SBF2: variants seen among roughly 807,000 people sequenced by gnomAD.
The protein encoded by SBF2 is myotubularin-related protein 13.
SBF2 carries 112 observed loss-of-function variants against 225.2 expected under a neutral mutation model. That is an observed-to-expected ratio of 0.50 (90% CI 0.43 to 0.58). The LOEUF (loss-of-function observed/expected upper bound fraction) is 0.58, where lower values mean the gene tolerates loss of function less well. SBF2 is among the 20% of genes least tolerant of loss of function. The pLI is 0.00. For synonymous variants in SBF2, 763 were observed against 773.3 expected, an observed-to-expected ratio of 0.99 and a Z score of 0.22; for missense variants, 1,996 against 2,206.2, an observed-to-expected ratio of 0.90 and a Z score of 1.91.
rs760392254 is a variant in SBF2, at chr11:9,963,871, C to A, written c.1612G>T (p.Asp538Tyr). The change falls in exon 15 of 40, where the codon GAC becomes TAC. Residue 538 changes from aspartate (D) to tyrosine (Y), a missense_variant. Asp to Tyr is a radical substitution (Grantham distance 160). Coordinates refer to ENST00000256190, the MANE Select transcript of SBF2 (RefSeq NM_030962.4). ...PAGPPVVSIM[D>Y]KVTTVFNSAQ... ...CTGTTGAAAACTGTCGTCACCTTGT[C>A]CATTATCGAAACTAGTAAAAGAATA... The A allele has an allele frequency of 1.9e-6, 3 of 1,588,734 alleles. No individual in the cohort carries two copies. In the East Asian group the frequency reaches 6.7e-5, roughly 36 times the overall value.
intron 16 of SBF2, among the ~76,000 whole-genome samples, chr11:9,910,745 T>C (rs759399621): frequency 1.3e-5 from 2 of 151,732 alleles, no homozygotes; most frequent in Non-Finnish European, 2.9e-5. Context: ...ACTTTTCTAT[T>C]AAAAATAGAA....
intron 25 of SBF2, 92 bp downstream of exon 25, chr11:9,842,533 G>T: frequency 1.5e-6 from 2 of 1,327,560 alleles, no homozygotes; most frequent in Non-Finnish European, 1.1e-6. Context: ...CTAGGTTTTT[G>T]TGAATCAAGA....
At chr11:10,054,646 T>C (rs539763030) in intron 2 of SBF2, among the ~76,000 whole-genome samples, 136 of 152,304 alleles carry the variant, frequency 8.9e-4, no homozygotes, top group African/African-American at 3.1e-3. Flanking sequence ...GAGGAAAATA[T>C]TGTTAAACTA....
At chr11:10,106,649 A>C (rs1032134427) in intron 2 of SBF2, among the ~76,000 whole-genome samples, 11 of 149,958 alleles carry the variant, frequency 7.3e-5, no homozygotes, top group African/African-American at 2.0e-4. Context: ...AAAAAAAAAA[A>C]CCCACACAAT....
chr11:10,104,804 T>G (rs1952479464), intron 2 of SBF2, among the ~76,000 whole-genome samples: 1 of 152,218 alleles, frequency 6.6e-6, no homozygotes. Flanking sequence ...ATTTGCTATA[T>G]GACCTTAGGA....
chr11:10,032,533 T>C (rs934374487), intron 3 of SBF2, among the ~76,000 whole-genome samples: 1 of 152,232 alleles, frequency 6.6e-6, no homozygotes, highest in African/African-American at 2.4e-5. Context: ...CTCATCACTT[T>C]TAAGTTTTCA....
intron 1 of SBF2, among the ~76,000 whole-genome samples, chr11:10,199,930 T>C (rs780781114): frequency 6.6e-6 from 1 of 152,146 alleles, no homozygotes; most frequent in African/African-American, 2.4e-5. Flanking sequence ...AGAACTATCA[T>C]ATGTTCCAAC....
chr11:10,030,645 A>G (rs1188395995), intron 4 of SBF2, among the ~76,000 whole-genome samples: 1 of 152,216 alleles, frequency 6.6e-6, no homozygotes, highest in Non-Finnish European at 1.5e-5. Flanking sequence ...CAGAAGTATG[A>G]TCAGAATTGT....
At chr11:9,781,101 C>G (rs1851975887) in intron 39 of SBF2, among the ~76,000 whole-genome samples, 2 of 152,220 alleles carry the variant, frequency 1.3e-5, no homozygotes, top group Admixed American at 6.5e-5. Context: ...CTAAGGGCTG[C>G]TGAAGATGTT....
intron 26 of SBF2, among the ~76,000 whole-genome samples, chr11:9,834,108 T>G (rs1213924535): frequency 6.6e-6 from 1 of 151,632 alleles, no homozygotes; most frequent in Non-Finnish European, 1.5e-5. Flanking sequence ...TATTTATTTT[T>G]TGAGACACAG....
chr11:10,254,215 G>A (rs764658710), intron 1 of SBF2, among the ~76,000 whole-genome samples: 2 of 151,862 alleles, frequency 1.3e-5, no homozygotes, highest in Non-Finnish European at 2.9e-5. Context: ...AAGACTCCTA[G>A]CTCTACAAAA....
intron 17 of SBF2, among the ~76,000 whole-genome samples, chr11:9,886,960 C>A (rs1479549498): frequency 6.6e-6 from 1 of 152,090 alleles, no homozygotes; most frequent in Admixed American, 6.5e-5. Context: ...GAGATTTTGA[C>A]TTGTTGGCTT....
intron 3 of SBF2, among the ~76,000 whole-genome samples, chr11:10,041,015 G>A (rs1227264639): frequency 1.3e-5 from 2 of 152,050 alleles, no homozygotes; most frequent in Middle Eastern, 3.4e-3. Flanking sequence ...TTGCCTTTCT[G>A]TCAGTTTGTC....
chr11:10,069,360 C>T (rs547287814), intron 2 of SBF2, among the ~76,000 whole-genome samples: 110 of 138,568 alleles, frequency 7.9e-4, no homozygotes, highest in African/African-American at 2.7e-3. Context: ...CCACCCTATT[C>T]CAAGTGTTCT....
intron 1 of SBF2, among the ~76,000 whole-genome samples, chr11:10,258,927 A>G (rs1173005914): frequency 6.6e-6 from 1 of 152,236 alleles, no homozygotes; most frequent in Non-Finnish European, 1.5e-5. Context: ...GGAACAGAGC[A>G]AAGGCCAACA....
intron 6 of SBF2, among the ~76,000 whole-genome samples, chr11:10,013,944 A>T (rs1396788859): frequency 2.6e-5 from 4 of 152,154 alleles, no homozygotes; most frequent in Non-Finnish European, 5.9e-5. Flanking sequence ...TTTTCCTAAC[A>T]GTCTGTAAGT....
intron 1 of SBF2, among the ~76,000 whole-genome samples, chr11:10,246,379 G>A (rs1405715983): frequency 6.6e-6 from 1 of 152,224 alleles, no homozygotes. Flanking sequence ...CGCCTCCCGG[G>A]TTCAAGCAAT....
intron 3 of SBF2, 25 bp downstream of exon 3, chr11:10,042,819 C>T (rs1949703737): frequency 1.9e-6 from 3 of 1,612,548 alleles, no homozygotes; most frequent in African/African-American, 2.7e-5. Context: ...TTCGACTGTA[C>T]TTTAGCTAGT....
At chr11:10,071,769 A>C (rs1397213842) in intron 2 of SBF2, among the ~76,000 whole-genome samples, 1 of 152,114 alleles carries the variant, frequency 6.6e-6, no homozygotes, top group Non-Finnish European at 1.5e-5. Context: ...GGTTTTTCTC[A>C]CTGGGTCTGT....
Sources: allele counts gnomAD v4.1 joint callset (sites outside exome capture counted in the v4.1 genomes callset), GRCh38; gene constraint gnomAD v4.1.1; transcripts MANE v1.5; gene names NCBI Gene and HGNC (gene_info 2026-07-23, HGNC 2026-07-21).